The following CALN1 variants were observed in gnomAD, a reference collection of about 807,000 sequenced individuals.
CALN1 encodes the protein calneuron 1.
CALN1 carries 17 observed loss-of-function variants against 30.6 expected under a neutral mutation model. That is an observed-to-expected ratio of 0.56 (90% CI 0.38 to 0.83). The LOEUF (loss-of-function observed/expected upper bound fraction) is 0.83. Among genes scored for constraint, CALN1 ranks in the 40% least tolerant of loss-of-function variants. The pLI is 0.00. For synonymous variants in CALN1, 156 were observed against 131.4 expected, an observed-to-expected ratio of 1.19 and a Z score of -1.28; for missense variants, 291 against 354.9, an observed-to-expected ratio of 0.82 and a Z score of 1.45.
At chr7:72,416,194 G>C (rs2129563463), upstream of CALN1, among the ~76,000 whole-genome samples, 1 of 152,292 alleles carries the variant, frequency 6.6e-6, no homozygotes, top group Middle Eastern at 3.4e-3. Context: ...GTTTACCATT[G>C]CCATGGCAAC....
At chr7:71,927,524 T>C (rs1168812717) in intron 5 of CALN1, among the ~76,000 whole-genome samples, 1 of 152,208 alleles carries the variant, frequency 6.6e-6, no homozygotes, top group Non-Finnish European at 1.5e-5. Flanking sequence ...ATGTTTTTAA[T>C]GTAATCTAGT....
chr7:72,441,370 G>A (rs1808338350), intron 1 of CALN1, among the ~76,000 whole-genome samples: 1 of 152,022 alleles, frequency 6.6e-6, no homozygotes, highest in African/African-American at 2.4e-5. Flanking sequence ...AGCCCAGATA[G>A]GAGGATCACC....
At chr7:71,955,846 T>A (rs1043489379) in intron 5 of CALN1, among the ~76,000 whole-genome samples, 1 of 151,942 alleles carries the variant, frequency 6.6e-6, no homozygotes, top group Non-Finnish European at 1.5e-5. Context: ...AGAAGTAGAA[T>A]GTACTCTAAG....
intron 5 of CALN1, among the ~76,000 whole-genome samples, chr7:71,999,319 A>G (rs974804389): frequency 1.3e-5 from 2 of 152,216 alleles, no homozygotes; most frequent in Admixed American, 6.5e-5. Flanking sequence ...AAGCTTCACA[A>G]TACATGAAGC....
intron 3 of CALN1, among the ~76,000 whole-genome samples, chr7:72,163,485 C>T (rs1332423516): frequency 6.7e-6 from 1 of 149,942 alleles, no homozygotes; most frequent in Non-Finnish European, 1.5e-5. Context: ...TTGAAATTGG[C>T]AGATAAGGAC....
At chr7:72,499,774 T>C in the CALN1 span, among the ~76,000 whole-genome samples, 1,535 of 118,732 alleles carry the variant, frequency 0.013, 149 homozygotes, top group African/African-American at 0.016. Flanking sequence ...ACTTTCTTTC[T>C]TTCCTTCCTT....
intron 1 of CALN1, among the ~76,000 whole-genome samples, chr7:72,434,951 G>A (rs1026784070): frequency 3.3e-5 from 5 of 152,212 alleles, no homozygotes; most frequent in South Asian, 2.1e-4. Flanking sequence ...TAGGGGCCAC[G>A]CATGGTGGCT....
rs1013690429 is a variant in CALN1 at position 71,779,731 on chromosome 7, T to A, written c.*8044A>T. On this transcript the variant is annotated 3_prime_UTR_variant, in exon 7 of 7. Transcript: ENST00000395275. ...TTTTATATAAAGATTCTTTTTTGACTAGTCTGCTGACTTTCTCATCACTTA... is the reference window on the plus strand; with the variant it reads ...TTTTATATAAAGATTCTTTTTTGACAAGTCTGCTGACTTTCTCATCACTTA... 6.6e-6 allele frequency: 1 copy of A among 152,220 alleles called. No homozygotes were observed. The highest frequency in any genetic ancestry group is 1.5e-5 in the Non-Finnish European group (1 of 68,048). The allele number at this position is 152,220 out of a possible 1,614,324, so 9.4% of individuals were successfully genotyped here.
chr7:71,931,848 C>G (rs1795571975), intron 5 of CALN1, among the ~76,000 whole-genome samples: 1 of 148,436 alleles, frequency 6.7e-6, no homozygotes, highest in Non-Finnish European at 1.5e-5. Flanking sequence ...GTAGAGGAGC[C>G]CAAAACTCAT....
At chr7:71,789,398 CAG>C (rs1793183009) in intron 6 of CALN1, among the ~76,000 whole-genome samples, 1 of 151,876 alleles carries the variant, frequency 6.6e-6, no homozygotes, top group South Asian at 2.1e-4. Context: ...GCCTGGGAGA[CAG>C]AGCGAGACTC....
chr7:71,906,566 C>G (rs1196498538), intron 5 of CALN1, among the ~76,000 whole-genome samples: 1 of 152,116 alleles, frequency 6.6e-6, no homozygotes, highest in Non-Finnish European at 1.5e-5. Context: ...GCATGACAGA[C>G]CAGGCACTGG....
intron 3 of CALN1, among the ~76,000 whole-genome samples, chr7:72,260,714 GC>G (rs569843069): frequency 2.1e-4 from 32 of 152,010 alleles, no homozygotes; most frequent in African/African-American, 7.2e-4. Context: ...TATCTGAGGA[GC>G]CCCCCACACA....
chr7:72,395,098 C>T (rs1165777165), intron 2 of CALN1, among the ~76,000 whole-genome samples: 1 of 152,192 alleles, frequency 6.6e-6, no homozygotes, highest in East Asian at 1.9e-4. Context: ...TAAGTACTAA[C>T]CTACCTCCCC....
At chr7:71,878,269 G>A (rs1463268361) in intron 5 of CALN1, among the ~76,000 whole-genome samples, 1 of 152,200 alleles carries the variant, frequency 6.6e-6, no homozygotes, top group African/African-American at 2.4e-5. Flanking sequence ...AGGCACAGCG[G>A]TGCATGCCTG....
chr7:72,322,791 A>T (rs1402486864), intron 2 of CALN1, among the ~76,000 whole-genome samples: 1 of 152,036 alleles, frequency 6.6e-6, no homozygotes, highest in African/African-American at 2.4e-5. Flanking sequence ...TTTAATTTTA[A>T]ATTTAAAAAT....
intron 4 of CALN1, among the ~76,000 whole-genome samples, chr7:72,054,164 G>A (rs552137017): frequency 5.9e-5 from 9 of 152,078 alleles, no homozygotes; most frequent in South Asian, 4.2e-4. Context: ...ATACCCAGCA[G>A]TGGGATTGCT....
At chr7:71,866,347 T>A (rs1002216553) in intron 5 of CALN1, among the ~76,000 whole-genome samples, 1 of 152,066 alleles carries the variant, frequency 6.6e-6, no homozygotes, top group Non-Finnish European at 1.5e-5. Flanking sequence ...ATATTACACA[T>A]GCAATATTAT....
chr7:72,332,823 C>A (rs1801764028), intron 2 of CALN1, among the ~76,000 whole-genome samples: 2 of 152,194 alleles, frequency 1.3e-5, no homozygotes, highest in Non-Finnish European at 2.9e-5. Context: ...TCTTCTCCAT[C>A]CTCCCCACCA....
chr7:71,894,815 A>G (rs1793448394), intron 5 of CALN1, among the ~76,000 whole-genome samples: 1 of 152,216 alleles, frequency 6.6e-6, no homozygotes, highest in African/African-American at 2.4e-5. Context: ...ATTTGTATCA[A>G]TTCTGTATAT....
Sources: gnomAD v4.1 joint callset for allele counts (sites outside exome capture counted in the v4.1 genomes callset) on GRCh38, gnomAD v4.1.1 for gene constraint, MANE v1.5 for transcripts, NCBI Gene and HGNC (gene_info 2026-07-23, HGNC 2026-07-21) for gene names.